Variants in ADGB observed in about 807,000 individuals in gnomAD.
ADGB encodes androglobin.
In ADGB, 172 loss-of-function variants were observed where a neutral mutation model predicts 210.5. The observed-to-expected ratio is 0.82, with a 90% CI of 0.72 to 0.93. The LOEUF is 0.93. Ranked by LOEUF, ADGB falls within the 40% of genes least tolerant of loss-of-function variation. ADGB has a pLI of 0.00. For synonymous variants in ADGB, 658 were observed against 662.7 expected (o/e 0.99, Z 0.11); for missense variants, 2,025 against 1,964.8 (o/e 1.03, Z -0.58).
At chr6:146,798,844 T>G (rs1778082433) in intron 33 of ADGB, among the ~76,000 whole-genome samples, 1 of 151,926 alleles carries the variant, frequency 6.6e-6, no homozygotes. Flanking sequence ...TTTAACCAAG[T>G]GTAGAATTTA....
chr6:146,690,353 G>C (rs564346957), intron 10 of ADGB, among the ~76,000 whole-genome samples: 2 of 152,166 alleles, frequency 1.3e-5, no homozygotes, highest in Non-Finnish European at 2.9e-5. Flanking sequence ...GGTCAAAATT[G>C]ATTTTAATGT....
chr6:146,728,679 C>G lies in ADGB; in HGVS notation c.2458C>G (p.Leu820Val). The G allele has an allele frequency of 6.4e-7, 1 of 1,551,616 alleles. No homozygotes were observed. The highest frequency in any genetic ancestry group is 8.7e-7 in the Non-Finnish European group (1 of 1,146,930). The change falls in exon 20 of 36, where the codon CTG (leucine) becomes GTG (valine). Residue 820 changes from leucine (L) to valine (V), a missense_variant. Transcript: ENST00000397944. The part of the protein sequence containing the change: ...KGKLSAALKD[L>V]QTAHYPVPFH... Reference sequence around the variant, plus strand: ...TAAACTCTCTGCAGCTTTGAAGGATCTGCAAACAGCTCACTACCCTGTCCC... The same window carrying G: ...TAAACTCTCTGCAGCTTTGAAGGATGTGCAAACAGCTCACTACCCTGTCCC...
chr6:146,802,977 G>A (rs1009409080), intron 35 of ADGB: 1 of 1,609,560 alleles, frequency 6.2e-7, no homozygotes. Context: ...TTTAATGACT[G>A]CTTGAAGCCA....
intron 27 of ADGB, among the ~76,000 whole-genome samples, chr6:146,762,042 G>T (rs1777499236): frequency 6.6e-6 from 1 of 151,968 alleles, no homozygotes; most frequent in Non-Finnish European, 1.5e-5. Flanking sequence ...TTGGATTTAG[G>T]GCTCATCCTA....
chr6:146,707,205 A>G (rs996859425), intron 13 of ADGB, among the ~76,000 whole-genome samples: 3 of 152,090 alleles, frequency 2.0e-5, no homozygotes, highest in African/African-American at 7.2e-5. Context: ...AAAGGTAGTT[A>G]TATGATTTCA....
intron 19 of ADGB, 110 bp from the exon 20 acceptor site, chr6:146,728,464 A>G: frequency 1.8e-6 from 2 of 1,096,194 alleles, no homozygotes; most frequent in Non-Finnish European, 2.5e-6. Flanking sequence ...CTCTATAAAG[A>G]ATTATTGAAT....
intron 28 of ADGB, among the ~76,000 whole-genome samples, chr6:146,765,327 A>C (rs1777555524): frequency 6.6e-6 from 1 of 152,098 alleles, no homozygotes; most frequent in South Asian, 2.1e-4. Flanking sequence ...AAAACTAAGT[A>C]AATAGAATTG....
intron 9 of ADGB, among the ~76,000 whole-genome samples, chr6:146,678,910 G>A (rs1406628935): frequency 6.6e-6 from 1 of 152,238 alleles, no homozygotes; most frequent in Middle Eastern, 3.4e-3. Context: ...AAAAAGACTA[G>A]TGTTAATCAC....
At chr6:146,694,441 G>C (rs574773142) in intron 12 of ADGB, among the ~76,000 whole-genome samples, 1 of 152,162 alleles carries the variant, frequency 6.6e-6, no homozygotes, top group South Asian at 2.1e-4. Context: ...CATGCATGCA[G>C]GTTGAGTCAC....
intron 29 of ADGB, among the ~76,000 whole-genome samples, chr6:146,780,703 A>T (rs1777785797): frequency 6.6e-6 from 1 of 152,170 alleles, no homozygotes; most frequent in South Asian, 2.1e-4. Flanking sequence ...TGAAGCAAAA[A>T]CTGACAGAAT....
At chr6:146,807,792 T>G (rs896184188) in intron 35 of ADGB, 102 of 391,552 alleles carry the variant, frequency 2.6e-4, no homozygotes, top group Non-Finnish European at 4.1e-4. Context: ...TTCAATAAAA[T>G]AGCTTCCAAA....
At chr6:146,712,690 C>T (rs2114559781) in intron 13 of ADGB, among the ~76,000 whole-genome samples, 1 of 152,116 alleles carries the variant, frequency 6.6e-6, no homozygotes, top group South Asian at 2.1e-4. Context: ...CTCTAATGTA[C>T]TTGATTTTTT....
intron 21 of ADGB, 48 bp downstream of exon 21, chr6:146,733,303 TA>T: frequency 7.1e-7 from 1 of 1,411,398 alleles, no homozygotes; most frequent in South Asian, 1.5e-5. Flanking sequence ...TAGTTTTAAG[TA>T]AGGTAAATAA....
At chr6:146,768,165 G>T (rs1220244534) in intron 28 of ADGB, among the ~76,000 whole-genome samples, 3 of 152,126 alleles carry the variant, frequency 2.0e-5, no homozygotes, top group African/African-American at 7.2e-5. Context: ...ACAGTATAAA[G>T]ATATGTTATC....
intron 29 of ADGB, among the ~76,000 whole-genome samples, chr6:146,776,901 AG>A (rs1339939279): frequency 1.3e-5 from 2 of 152,038 alleles, no homozygotes; most frequent in African/African-American, 2.4e-5. Context: ...AACCTACAAA[AG>A]TTAACCTATT....
chr6:146,815,007 T>C, intron 35 of ADGB, 25 bp from the exon 36 acceptor site: 9 of 1,520,672 alleles, frequency 5.9e-6, no homozygotes, highest in Non-Finnish European at 7.9e-6. Context: ...GGAACTTATT[T>C]GTTTGGGGTT....
At chr6:146,812,021 T>C (rs552426879) in intron 35 of ADGB, among the ~76,000 whole-genome samples, 9 of 152,194 alleles carry the variant, frequency 5.9e-5, no homozygotes, top group Non-Finnish European at 1.2e-4. Context: ...CTATTTCTGA[T>C]TTTTGCTATT....
chr6:146,614,195 C>CCCTCCCTT lies in ADGB; in HGVS notation c.74+15093_74+15100dup, dbSNP rs1198665282. Among the ~76,000 whole-genome samples, 6 of 109,436 alleles carry CCCTCCCTT rather than the reference C, an allele frequency of 5.5e-5. No homozygotes were observed. The South Asian group carries it at 1.7e-3, about 32-fold the overall frequency. The allele number at this position is 109,436 out of a possible 152,430, so 71.8% of individuals were successfully genotyped here. A position where few individuals can be genotyped will look rare whatever the true frequency, so the allele number is the denominator to read the frequency against. ...GTTTTCTCTCCCTCCCTCCCTCCCT[C>CCCTCCCTT]CCTCCCTTCCTCCCTTCCTTCCTCC... On this transcript the variant is annotated intron_variant, in intron 1 of 35. Coordinates refer to ENST00000397944, the MANE Select transcript of ADGB (RefSeq NM_024694.4).
intron 8 of ADGB, among the ~76,000 whole-genome samples, chr6:146,675,668 CAG>C (rs1776074373): frequency 1.3e-5 from 2 of 151,946 alleles, no homozygotes; most frequent in African/African-American, 2.4e-5. Flanking sequence ...AGAATTGAGA[CAG>C]ATTTGTTAGG....
Sources: allele counts gnomAD v4.1 joint callset (sites outside exome capture counted in the v4.1 genomes callset), GRCh38; gene constraint gnomAD v4.1.1; transcripts MANE v1.5; gene names NCBI Gene and HGNC (gene_info 2026-07-23, HGNC 2026-07-21).